Variants in NTM observed in about 807,000 individuals in gnomAD.
NTM encodes the protein IgLON family member 2.
Under a neutral mutation model 42.1 loss-of-function variants are expected in NTM, and 13 were observed. The ratio of observed to expected loss-of-function variants is 0.31; its 90% confidence interval spans 0.20 to 0.49. The LOEUF (loss-of-function observed/expected upper bound fraction) is 0.49, where lower values mean the gene tolerates loss of function less well. Among genes scored for constraint, NTM ranks in the 20% least tolerant of loss-of-function variants. The pLI, the probability that NTM is intolerant of heterozygous loss-of-function variation, is 0.99. For missense variants in NTM, 373 were observed against 452.8 expected, an observed-to-expected ratio of 0.82 and a Z score of 1.60; for synonymous variants, 187 against 179.2, an observed-to-expected ratio of 1.04 and a Z score of -0.35.
At chr11:132,209,295 G>A (rs73597209) in intron 3 of NTM, among the ~76,000 whole-genome samples, 2,488 of 152,264 alleles carry the variant, frequency 0.016, 60 homozygotes, top group African/African-American at 0.056. Context: ...CATCTTAAAA[G>A]TCCCAGATTA....
In NTM at chr11:132,035,779, G is replaced by T. The variant is rs563831724; in HGVS notation, c.168-110503G>T. On this transcript the variant is annotated intron_variant, in intron 2 of 8. Transcript: ENST00000683400. ...CCTCTGATTGAGGAAGGAGGATGCTGGCTGGGTAATGGATGTCTTGCTCTA... is the reference window on the plus strand; with the variant it reads ...CCTCTGATTGAGGAAGGAGGATGCTTGCTGGGTAATGGATGTCTTGCTCTA... Among the ~76,000 whole-genome samples the T allele has an allele frequency of 1.7e-4, 26 of 152,260 alleles. No individual in the cohort carries two copies. In the East Asian group the frequency reaches 4.8e-3, roughly 28 times the overall value.
chr11:131,813,357 C>T (rs773357289), intron 1 of NTM, among the ~76,000 whole-genome samples: 9 of 152,226 alleles, frequency 5.9e-5, no homozygotes, highest in East Asian at 3.9e-4. Context: ...CACACTGCTA[C>T]GTGCTGGGGA....
At chr11:131,870,265 G>C (rs897451130) in intron 1 of NTM, among the ~76,000 whole-genome samples, 2 of 152,204 alleles carry the variant, frequency 1.3e-5, no homozygotes, top group African/African-American at 4.8e-5. Flanking sequence ...TTACTTACAT[G>C]ATCTTGGGAA....
At chr11:132,173,049 C>T (rs78784613) in intron 3 of NTM, among the ~76,000 whole-genome samples, 70 of 152,178 alleles carry the variant, frequency 4.6e-4, no homozygotes, top group African/African-American at 1.6e-3. Context: ...GGCCACAATT[C>T]ATTAATTAAA....
chr11:131,678,311 A>C (rs2134747869), intron 1 of NTM, among the ~76,000 whole-genome samples: 1 of 152,330 alleles, frequency 6.6e-6, no homozygotes, highest in East Asian at 1.9e-4. Context: ...TGGCCTGACC[A>C]TCACAGGGGT....
intron 1 of NTM, among the ~76,000 whole-genome samples, chr11:131,489,977 G>A (rs1279273886): frequency 6.6e-6 from 1 of 152,224 alleles, no homozygotes; most frequent in Non-Finnish European, 1.5e-5. Context: ...CTTCTGCTGA[G>A]AGCATCAGGC....
At chr11:132,211,153 G>T (rs138326841) in intron 3 of NTM, among the ~76,000 whole-genome samples, 2 of 152,200 alleles carry the variant, frequency 1.3e-5, no homozygotes, top group African/African-American at 2.4e-5. Flanking sequence ...ATGGCTGCGC[G>T]TGCACTTTGA....
intron 1 of NTM, among the ~76,000 whole-genome samples, chr11:131,649,064 G>A (rs1429326187): frequency 6.6e-6 from 1 of 152,166 alleles, no homozygotes; most frequent in Non-Finnish European, 1.5e-5. Flanking sequence ...CACTATGACA[G>A]GTGCACGGGG....
chr11:132,317,837 C>T (rs1213002409), intron 7 of NTM: 11 of 394,714 alleles, frequency 2.8e-5, no homozygotes, highest in South Asian at 2.3e-4. Context: ...TGATTGGGAG[C>T]CAGGGAGACT....
intron 1 of NTM, among the ~76,000 whole-genome samples, chr11:131,860,974 G>A (rs147639397): frequency 0.025 from 3,854 of 152,220 alleles, 81 homozygotes; most frequent in Non-Finnish European, 0.036. Context: ...AGCCTGATTT[G>A]CCAGGGGCTT....
intron 4 of NTM, among the ~76,000 whole-genome samples, chr11:132,232,713 T>A (rs2087875198): frequency 6.6e-6 from 1 of 152,222 alleles, no homozygotes; most frequent in Admixed American, 6.5e-5. Flanking sequence ...ATTACGCACA[T>A]TATCCTTTAT....
At chr11:131,509,163 CT>C (rs1401893934) in intron 1 of NTM, among the ~76,000 whole-genome samples, 2 of 152,104 alleles carry the variant, frequency 1.3e-5, no homozygotes, top group Non-Finnish European at 1.5e-5. Flanking sequence ...AGGATGCCAG[CT>C]GATGCTCCTT....
intron 1 of NTM, among the ~76,000 whole-genome samples, chr11:131,786,597 T>C (rs2089269898): frequency 6.6e-6 from 1 of 152,172 alleles, no homozygotes; most frequent in Admixed American, 6.5e-5. Context: ...TTTTTTAAAA[T>C]AGTAAAACCC....
chr11:131,566,530 C>CAGTGTG (rs2056907416), intron 1 of NTM, among the ~76,000 whole-genome samples: 1 of 152,100 alleles, frequency 6.6e-6, no homozygotes, highest in Non-Finnish European at 1.5e-5. Flanking sequence ...ATCATCCACG[C>CAGTGTG]AGTGTGAGTC....
chr11:132,318,781 C>T (rs189413943), intron 7 of NTM, among the ~76,000 whole-genome samples: 1 of 152,184 alleles, frequency 6.6e-6, no homozygotes, highest in African/African-American at 2.4e-5. Flanking sequence ...CCCCACCTCA[C>T]CCCACCCTGT....
At chr11:132,226,873 G>T (rs2086411731) in intron 4 of NTM, among the ~76,000 whole-genome samples, 2 of 152,210 alleles carry the variant, frequency 1.3e-5, no homozygotes, top group Admixed American at 1.3e-4. Flanking sequence ...TATAAGATTT[G>T]TGGCCTGGGC....
intron 2 of NTM, among the ~76,000 whole-genome samples, chr11:132,138,582 C>CATCTATCTATCTATA (rs1555279979): frequency 8.7e-5 from 2 of 23,008 alleles, no homozygotes; most frequent in Non-Finnish European, 3.1e-4. Flanking sequence ...ATCTATCTAT[C>CATCTATCTATCTATA]TATCTATCTA....
chr11:132,042,570 G>T (rs1373949252), intron 2 of NTM, among the ~76,000 whole-genome samples: 4 of 152,202 alleles, frequency 2.6e-5, no homozygotes, highest in African/African-American at 9.7e-5. Flanking sequence ...GGCTCTCGCT[G>T]TTGGGCACTG....
chr11:131,566,019 G>C (rs2056845712), intron 1 of NTM, among the ~76,000 whole-genome samples: 1 of 152,168 alleles, frequency 6.6e-6, no homozygotes, highest in Non-Finnish European at 1.5e-5. Flanking sequence ...GCCTGAAGTG[G>C]TTAGGAATGA....
Sources: gnomAD v4.1 joint callset for allele counts (sites outside exome capture counted in the v4.1 genomes callset) on GRCh38, gnomAD v4.1.1 for gene constraint, MANE v1.5 for transcripts, NCBI Gene and HGNC (gene_info 2026-07-23, HGNC 2026-07-21) for gene names.